ZNF652: variants seen among roughly 807,000 people sequenced by gnomAD.
ZNF652 encodes the protein zinc finger protein 652.
In ZNF652, 16 loss-of-function variants were observed where a neutral mutation model predicts 45.2. The ratio of observed to expected loss-of-function variants is 0.35; its 90% CI spans 0.24 to 0.54. The LOEUF (loss-of-function observed/expected upper bound fraction) is 0.54, where lower values mean the gene tolerates loss of function less well. Ranked by LOEUF, ZNF652 falls within the 20% of genes least tolerant of loss-of-function variation. ZNF652 has a pLI of 0.91. For synonymous variants in ZNF652, 250 were observed against 260.6 expected (o/e 0.96, Z 0.39); for missense variants, 614 against 765.6 (o/e 0.80, Z 2.34).
At chr17:49,341,300 C>T (rs1203186471) in intron 1 of ZNF652, among the ~76,000 whole-genome samples, 1 of 151,620 alleles carries the variant, frequency 6.6e-6, no homozygotes, top group African/African-American at 2.4e-5. Context: ...TAAACTCTGC[C>T]TCATTTCAGA....
intron 1 of ZNF652, among the ~76,000 whole-genome samples, chr17:49,321,258 G>C (rs2143817818): frequency 6.6e-6 from 1 of 151,668 alleles, no homozygotes; most frequent in Non-Finnish European, 1.5e-5. Context: ...TATTTTCTTG[G>C]TGTTTTTTGT....
rs1217921444 is a variant in ZNF652, at chr17:49,312,865, A to G, written c.901-20T>C. 2 of 1,607,292 alleles carry G rather than the reference A, an allele frequency of 1.2e-6. No individual in the cohort carries two copies. The highest frequency in any genetic ancestry group is 1.7e-5 in the Admixed American group (1 of 58,742). On this transcript the variant is annotated intron_variant, in intron 2 of 5. Coordinates refer to ENST00000430262, the MANE Select transcript of ZNF652 (RefSeq NM_001145365.3). Reference sequence around the variant, plus strand: ...AACACACTGAGCAGGATAAATAGAAATAATATTTATAGGGGCTTACAGCAT... The same window carrying G: ...AACACACTGAGCAGGATAAATAGAAGTAATATTTATAGGGGCTTACAGCAT...
rs1327076461 is a variant in ZNF652, at chr17:49,291,933, C to T, written c.*6480G>A. Among the ~76,000 whole-genome samples, 1 of 152,144 alleles carries T rather than the reference C, an allele frequency of 6.6e-6. No homozygotes were observed. Among genetic ancestry groups the T allele is most frequent in the East Asian group, 1.9e-4 (1 of 5,192 alleles). The stretch of plus-strand genomic sequence containing the variant: ...AGCCTTCAAAAATCTTGAATTTATT[C>T]ATCATCAAACATAACCAATTCTCAC... On this transcript the variant is annotated 3_prime_UTR_variant, in exon 6 of 6. Coordinates refer to ENST00000430262, the MANE Select transcript of ZNF652 (RefSeq NM_001145365.3).
At chr17:49,353,070 T>C (rs2070299367) in intron 1 of ZNF652, among the ~76,000 whole-genome samples, 1 of 152,206 alleles carries the variant, frequency 6.6e-6, no homozygotes, top group Non-Finnish European at 1.5e-5. Context: ...TACAAATTGA[T>C]ATTCACAGAA....
Position 49,298,691 on chromosome 17 carries a change from G to C in ZNF652, c.1543C>G (p.Pro515Ala). ...GCTGTGTTCACCACAGAAGGAACTG[G>C]GGTGGCTGGGGAAGTTGTAAGTGGG... The part of the protein sequence containing the change: ...QIPLTTSPAT[P>A]VPSVVNTATT... Residue 515 changes from proline (P) to alanine (A), a missense_variant, in exon 6 of 6, where the codon CCA (proline) becomes GCA (alanine). By Grantham distance (27) the Pro-to-Ala change is conservative (BLOSUM62 -1). Coordinates refer to ENST00000430262, the MANE Select transcript of ZNF652 (RefSeq NM_001145365.3). 1 of 1,614,076 alleles carries C rather than the reference G, an allele frequency of 6.2e-7. No individual in the cohort carries two copies. Among genetic ancestry groups the C allele is most frequent in the Non-Finnish European group, 8.5e-7 (1 of 1,180,028 alleles).
intron 1 of ZNF652, among the ~76,000 whole-genome samples, chr17:49,331,700 A>T (rs1333817931): frequency 6.6e-6 from 1 of 152,244 alleles, no homozygotes; most frequent in Non-Finnish European, 1.5e-5. Flanking sequence ...TGTGGATAAC[A>T]TCAGAAAATG....
chr17:49,316,674 G>GA, intron 2 of ZNF652, 152 bp downstream of exon 2: 1 of 886,822 alleles, frequency 1.1e-6, no homozygotes, highest in Admixed American at 2.9e-5. Flanking sequence ...CCTTGGTTTA[G>GA]AAAAGACCAA....
chr17:49,335,399 C>T (rs1441767707), intron 1 of ZNF652, among the ~76,000 whole-genome samples: 2 of 152,086 alleles, frequency 1.3e-5, no homozygotes, highest in Non-Finnish European at 2.9e-5. Flanking sequence ...GGATTCCCTT[C>T]CACGACTGAC....
At chr17:49,323,781 G>A (rs529449605) in intron 1 of ZNF652, among the ~76,000 whole-genome samples, 12 of 152,306 alleles carry the variant, frequency 7.9e-5, no homozygotes, top group African/African-American at 2.6e-4. Flanking sequence ...ATTTTGAAAG[G>A]AATCTTTTTT....
intron 1 of ZNF652, among the ~76,000 whole-genome samples, chr17:49,336,391 A>G (rs2070082021): frequency 7.0e-6 from 1 of 142,152 alleles, no homozygotes; most frequent in African/African-American, 2.6e-5. Flanking sequence ...ATGCAATGGC[A>G]TGATCTCAGC....
intron 1 of ZNF652, among the ~76,000 whole-genome samples, chr17:49,359,298 A>G (rs1229035901): frequency 6.6e-6 from 1 of 152,232 alleles, no homozygotes; most frequent in Admixed American, 6.5e-5. Flanking sequence ...TGTTTATGAG[A>G]TAATAAAAAA....
At chr17:49,311,607 G>A (rs930881168) in intron 4 of ZNF652, 151 bp from the exon 5 acceptor site, 7 of 856,872 alleles carry the variant, frequency 8.2e-6, no homozygotes, top group African/African-American at 3.4e-5. Flanking sequence ...ATTTCTGCAG[G>A]TGAGTTACTA....
At chr17:49,351,786 C>T (rs2070285411) in intron 1 of ZNF652, among the ~76,000 whole-genome samples, 1 of 151,996 alleles carries the variant, frequency 6.6e-6, no homozygotes, top group Non-Finnish European at 1.5e-5. Flanking sequence ...AGTTTTGAGG[C>T]CAGCCTGGGC....
chr17:49,360,042 T>C (rs184678189), intron 1 of ZNF652, among the ~76,000 whole-genome samples: 31 of 152,326 alleles, frequency 2.0e-4, no homozygotes, highest in Non-Finnish European at 3.5e-4. Flanking sequence ...GAACATACAT[T>C]ACCAATTGGT....
intron 1 of ZNF652, among the ~76,000 whole-genome samples, chr17:49,357,133 C>G (rs911024340): frequency 4.0e-5 from 6 of 151,778 alleles, no homozygotes; most frequent in Admixed American, 3.9e-4. Context: ...CCCATCTTTA[C>G]TAAAAATACA....
intron 5 of ZNF652, among the ~76,000 whole-genome samples, chr17:49,304,106 T>G (rs1402077871): frequency 6.7e-6 from 1 of 149,042 alleles, no homozygotes; most frequent in East Asian, 2.0e-4. Flanking sequence ...TTCACTGTAT[T>G]AGCCAGGATG....
At chr17:49,304,119 C>T (rs564856294) in intron 5 of ZNF652, among the ~76,000 whole-genome samples, 2 of 139,244 alleles carry the variant, frequency 1.4e-5, no homozygotes, top group African/African-American at 5.4e-5. Context: ...CCAGGATGGT[C>T]TCAATCTCCT....
intron 1 of ZNF652, among the ~76,000 whole-genome samples, chr17:49,331,542 G>C (rs555502615): frequency 6.6e-6 from 1 of 152,228 alleles, no homozygotes; most frequent in South Asian, 2.1e-4. Flanking sequence ...AATCCACTAT[G>C]AGAGATGTCA....
chr17:49,298,856 G>A lies in ZNF652; in HGVS notation c.1378C>T (p.Arg460Cys), dbSNP rs765913048. The change falls in exon 6 of 6, where the codon CGC (arginine) becomes TGC (cysteine). Residue 460 changes from arginine (R) to cysteine (C), a missense_variant. By Grantham distance (180) the Arg-to-Cys change is radical. Transcript: ENST00000430262. ...FTSRPNMKRHRRTHTGEKPYP... is the reference protein window; with the variant it reads ...FTSRPNMKRHCRTHTGEKPYP... ...GGCTTCTCGCCTGTGTGAGTTCTGCGGTGTCTCTTCATGTTGGGGCGGCTG... is the reference window on the plus strand; with the variant it reads ...GGCTTCTCGCCTGTGTGAGTTCTGCAGTGTCTCTTCATGTTGGGGCGGCTG... 13 of 1,613,726 alleles carry A rather than the reference G, an allele frequency of 8.1e-6. No individual in the cohort carries two copies. Among genetic ancestry groups the A allele is most frequent in the African/African-American group, 6.7e-5 (5 of 74,860 alleles).
Sources: allele counts gnomAD v4.1 joint callset (sites outside exome capture counted in the v4.1 genomes callset), GRCh38; gene constraint gnomAD v4.1.1; transcripts MANE v1.5; gene names NCBI Gene and HGNC (gene_info 2026-07-23, HGNC 2026-07-21).